The following SPIRE1 variants were observed in gnomAD, a reference collection of about 807,000 sequenced individuals.
SPIRE1 encodes the protein spire type actin nucleation factor 1.
A neutral mutation model predicts 94.1 loss-of-function variants in SPIRE1; 40 were observed. The ratio of observed to expected loss-of-function variants is 0.43; its 90% CI spans 0.33 to 0.55. The LOEUF is 0.55. SPIRE1 is among the 20% of genes least tolerant of loss of function. SPIRE1 has a pLI of 0.06. For synonymous variants in SPIRE1, 376 were observed against 371.7 expected (o/e 1.01, Z -0.13); for missense variants, 838 against 975.2 (o/e 0.86, Z 1.87).
chr18:12,509,842 G>A (rs954990034), intron 5 of SPIRE1, among the ~76,000 whole-genome samples: 9 of 152,102 alleles, frequency 5.9e-5, no homozygotes, highest in African/African-American at 1.9e-4. Context: ...CAGCACTTTG[G>A]GAGGCCAAGG....
intron 10 of SPIRE1, among the ~76,000 whole-genome samples, chr18:12,473,368 G>A (rs1347000172): frequency 1.3e-5 from 2 of 151,910 alleles, no homozygotes; most frequent in Non-Finnish European, 2.9e-5. Context: ...ACATAGTGTT[G>A]CTCTTAATAA....
rs562537832 is a variant in SPIRE1 at position 12,515,818 on chromosome 18, A to G, written c.730-3287T>C. Among the ~76,000 whole-genome samples the G allele has an allele frequency of 3.9e-5, 6 of 152,266 alleles. No individual in the cohort carries two copies. The East Asian group carries it at 9.7e-4, about 25-fold the overall frequency. On this transcript the variant is annotated intron_variant, in intron 4 of 16. Coordinates refer to ENST00000409402, the MANE Select transcript of SPIRE1 (RefSeq NM_001128626.2). ...CTTCAATTTGGGACATCTCTGAAGA[A>G]CCACCCCTAGCTGCTGAGCTCCCTG... is the stretch of plus-strand genomic sequence containing the variant.
chr18:12,541,816 G>A (rs900489062), intron 3 of SPIRE1, among the ~76,000 whole-genome samples: 5 of 151,362 alleles, frequency 3.3e-5, no homozygotes, highest in Non-Finnish European at 7.4e-5. Context: ...AATACAGTGT[G>A]AGCCATGTAT....
chr18:12,464,827 T>A, intron 11 of SPIRE1, 41 bp downstream of exon 11: 1 of 1,547,870 alleles, frequency 6.5e-7, no homozygotes, highest in Middle Eastern at 1.7e-4. Flanking sequence ...TGTTTTGTAG[T>A]AAGACATCCG....
chr18:12,470,566 A>C (rs1299788007), intron 10 of SPIRE1, among the ~76,000 whole-genome samples: 2 of 152,160 alleles, frequency 1.3e-5, no homozygotes, highest in Non-Finnish European at 2.9e-5. Flanking sequence ...GACACTCAGA[A>C]GGAGAGCCAG....
intron 4 of SPIRE1, among the ~76,000 whole-genome samples, chr18:12,521,693 T>C (rs555650753): frequency 6.6e-6 from 1 of 152,220 alleles, no homozygotes; most frequent in Non-Finnish European, 1.5e-5. Flanking sequence ...GGCAAATCTA[T>C]TGGTGCCATT....
chr18:12,655,270 GAGAA>G (rs972009254), intron 1 of SPIRE1, among the ~76,000 whole-genome samples: 1 of 150,636 alleles, frequency 6.6e-6, no homozygotes, highest in African/African-American at 2.4e-5. Context: ...GAGAGAGAAA[GAGAA>G]AGAAATAAAG....
rs541737629 is a variant in SPIRE1, at chr18:12,594,697, T to G, written c.372+40365A>C. Reference sequence around the variant, plus strand: ...CCTCTTATTATAAAAACTAGTATGGTTGACCCTTGAACAACACGTTTGAAG... The same window carrying G: ...CCTCTTATTATAAAAACTAGTATGGGTGACCCTTGAACAACACGTTTGAAG... On this transcript the variant is annotated intron_variant, in intron 2 of 16. Coordinates refer to ENST00000409402, the MANE Select transcript of SPIRE1 (RefSeq NM_001128626.2). 2.0e-5 allele frequency among the ~76,000 whole-genome samples: 3 copies of G among 152,372 alleles called. No homozygotes were observed. The East Asian group carries it at 5.8e-4, about 29-fold the overall frequency.
At chr18:12,622,674 A>G (rs910605393) in intron 2 of SPIRE1, among the ~76,000 whole-genome samples, 22 of 151,984 alleles carry the variant, frequency 1.4e-4, no homozygotes, top group African/African-American at 5.3e-4. Flanking sequence ...CGCCCGCCTC[A>G]GCCTCCCAAA....
intron 2 of SPIRE1, among the ~76,000 whole-genome samples, chr18:12,603,848 C>T (rs2036902895): frequency 1.3e-5 from 2 of 152,146 alleles, no homozygotes; most frequent in South Asian, 2.1e-4. Flanking sequence ...ACTGGGATTA[C>T]AGGCATGAGC....
intron 1 of SPIRE1, among the ~76,000 whole-genome samples, chr18:12,635,497 T>C (rs1039424380): frequency 3.3e-5 from 5 of 152,180 alleles, no homozygotes; most frequent in African/African-American, 1.2e-4. Flanking sequence ...ATATTTCCAG[T>C]TTAAAGATAC....
chr18:12,646,892 A>G (rs925593688), intron 1 of SPIRE1, among the ~76,000 whole-genome samples: 1 of 152,064 alleles, frequency 6.6e-6, no homozygotes, highest in Non-Finnish European at 1.5e-5. Flanking sequence ...TAAAAATACA[A>G]AATTAGCCAG....
At chr18:12,608,175 T>A (rs375603224) in intron 2 of SPIRE1, among the ~76,000 whole-genome samples, 6 of 134,470 alleles carry the variant, frequency 4.5e-5, no homozygotes, top group South Asian at 2.4e-4. Flanking sequence ...AAAAAAAAAA[T>A]CTCACCTACT....
At chr18:12,633,520 G>A (rs1336104762) in intron 2 of SPIRE1, among the ~76,000 whole-genome samples, 1 of 150,980 alleles carries the variant, frequency 6.6e-6, no homozygotes, top group Non-Finnish European at 1.5e-5. Flanking sequence ...AGGTTGCAGT[G>A]AGCCAAGATT....
chr18:12,459,972 A>G, intron 12 of SPIRE1: 1 of 925,266 alleles, frequency 1.1e-6, no homozygotes, highest in Non-Finnish European at 1.3e-6. Flanking sequence ...GGGGGAAAAG[A>G]AAAGGAGAAA....
chr18:12,632,146 T>C (rs2037799383), intron 2 of SPIRE1, among the ~76,000 whole-genome samples: 1 of 152,080 alleles, frequency 6.6e-6, no homozygotes, highest in African/African-American at 2.4e-5. Context: ...AGAATGAAAG[T>C]ATAAAGGCAA....
At chr18:12,651,770 A>AT (rs1234750673) in intron 1 of SPIRE1, among the ~76,000 whole-genome samples, 1 of 152,182 alleles carries the variant, frequency 6.6e-6, no homozygotes, top group Non-Finnish European at 1.5e-5. Flanking sequence ...TGCCAAGACG[A>AT]TCTTCCCCTC....
upstream of SPIRE1, chr18:12,658,116 G>A: frequency 1.0e-6 from 1 of 958,374 alleles, no homozygotes; most frequent in Non-Finnish European, 1.2e-6. Context: ...CCGGCGCCCC[G>A]CCCCGCCCCG....
At chr18:12,637,858 G>GGGCACA in intron 1 of SPIRE1, among the ~76,000 whole-genome samples, 1 of 152,180 alleles carries the variant, frequency 6.6e-6, no homozygotes, top group Non-Finnish European at 1.5e-5. Context: ...AAGGGCATAA[G>GGGCACA]AGTCTATAAA....
Sources: gnomAD v4.1 joint callset for allele counts (sites outside exome capture counted in the v4.1 genomes callset) on GRCh38, gnomAD v4.1.1 for gene constraint, MANE v1.5 for transcripts, NCBI Gene and HGNC (gene_info 2026-07-23, HGNC 2026-07-21) for gene names.